RABGEF1: variants seen among roughly 807,000 people sequenced by gnomAD.
The protein encoded by RABGEF1 is RAB guanine nucleotide exchange factor 1.
A neutral mutation model predicts 57.3 loss-of-function variants in RABGEF1; 26 were observed. The ratio of observed to expected loss-of-function variants is 0.45; its 90% CI spans 0.33 to 0.63. RABGEF1 has a LOEUF of 0.63. Among genes scored for constraint, RABGEF1 ranks in the 20% least tolerant of loss-of-function variants. The probability of loss-of-function intolerance (pLI) is 0.02; values close to 1 mark genes in which losing one functional copy is unlikely to be tolerated. For synonymous variants in RABGEF1, 185 were observed against 210.7 expected (o/e 0.88, Z 1.06); for missense variants, 464 against 607.6 (o/e 0.76, Z 2.48).
At chr7:66,677,287 A>G (rs1789340813), upstream of RABGEF1, among the ~76,000 whole-genome samples, 1 of 152,204 alleles carries the variant, frequency 6.6e-6, no homozygotes, top group South Asian at 2.1e-4. Context: ...TACAGTTAAC[A>G]TCATACTCAA....
intron 1 of RABGEF1, among the ~76,000 whole-genome samples, chr7:66,698,421 G>A (rs1432931229): frequency 1.3e-5 from 2 of 152,180 alleles, no homozygotes; most frequent in Non-Finnish European, 2.9e-5. Context: ...AGAGGAGAGT[G>A]CAAGGTCCCC....
chr7:66,744,087 A>G (rs1459459802), intron 1 of RABGEF1, among the ~76,000 whole-genome samples: 1 of 145,834 alleles, frequency 6.9e-6, no homozygotes, highest in East Asian at 2.0e-4. Flanking sequence ...ACTGGGCTGG[A>G]GTGCAGTGGC....
chr7:66,697,980 A>G (rs951130633), intron 1 of RABGEF1, among the ~76,000 whole-genome samples: 2 of 151,972 alleles, frequency 1.3e-5, no homozygotes, highest in African/African-American at 4.8e-5. Context: ...CCCACTACCT[A>G]GGCTGGGCCA....
At chr7:66,658,295 G>T in the RABGEF1 span, among the ~76,000 whole-genome samples, 1 of 152,124 alleles carries the variant, frequency 6.6e-6, no homozygotes, top group Non-Finnish European at 1.5e-5. Context: ...CACTTTGGGA[G>T]GCCAAGGTAG....
chr7:66,676,945 A>G, the RABGEF1 span, among the ~76,000 whole-genome samples: 5 of 152,016 alleles, frequency 3.3e-5, no homozygotes, highest in African/African-American at 1.2e-4. Context: ...CAACTTGTCT[A>G]TTTTCTTTTA....
chr7:66,664,956 G>A, the RABGEF1 span, among the ~76,000 whole-genome samples: 3 of 152,220 alleles, frequency 2.0e-5, no homozygotes, highest in Admixed American at 6.5e-5. Flanking sequence ...TGGCCCCCAC[G>A]GCAGGTGGCT....
chr7:66,735,164 T>TC (rs1367816877), intron 2 of RABGEF1, among the ~76,000 whole-genome samples: 1 of 152,152 alleles, frequency 6.6e-6, no homozygotes, highest in East Asian at 1.9e-4. Flanking sequence ...GCTAATTTCC[T>TC]CCCCCCTCAA....
At chr7:66,753,480 G>T (rs2129065818) in intron 1 of RABGEF1, among the ~76,000 whole-genome samples, 1 of 152,246 alleles carries the variant, frequency 6.6e-6, no homozygotes, top group East Asian at 1.9e-4. Flanking sequence ...TTACGGGTTT[G>T]GTTCTGCACC....
intron 6 of RABGEF1, among the ~76,000 whole-genome samples, chr7:66,798,768 A>C (rs565387636): frequency 1.4e-4 from 21 of 152,314 alleles, no homozygotes; most frequent in Admixed American, 1.0e-3. Context: ...GTTTGAGACC[A>C]GCCTGGCCAG....
chr7:66,791,851 C>T (rs1188300533), intron 4 of RABGEF1, among the ~76,000 whole-genome samples: 7 of 152,170 alleles, frequency 4.6e-5, no homozygotes, highest in Non-Finnish European at 8.8e-5. Context: ...CGGTGGCTCA[C>T]GCCTGTAATC....
chr7:66,724,725 A>G (rs558584392), intron 2 of RABGEF1, among the ~76,000 whole-genome samples: 1 of 152,150 alleles, frequency 6.6e-6, no homozygotes, highest in Admixed American at 6.5e-5. Flanking sequence ...GGTTTTCATC[A>G]AATTTATAGT....
chr7:66,656,777 G>A, the RABGEF1 span, among the ~76,000 whole-genome samples: 3 of 136,772 alleles, frequency 2.2e-5, no homozygotes, highest in South Asian at 2.2e-4. Flanking sequence ...TCAAGATCAC[G>A]CCATTGCACT....
chr7:66,804,738 G>GAAAAA (rs35870963), intron 7 of RABGEF1, among the ~76,000 whole-genome samples: 3 of 105,570 alleles, frequency 2.8e-5, no homozygotes, highest in Admixed American at 1.0e-4. Context: ...AACTCAGTCT[G>GAAAAA]AAAAAAAAAA....
At position 66,811,234 on chromosome 7, in the gene RABGEF1, G is replaced by A. The variant is rs1174149911; in HGVS notation, c.*1950G>A. ...TCTCTTACATATAAAGTAGGTTATTGAGTTGATTTTTTTGGAGGTATCTCA... is the reference window on the plus strand; with the variant it reads ...TCTCTTACATATAAAGTAGGTTATTAAGTTGATTTTTTTGGAGGTATCTCA... On this transcript the variant is annotated 3_prime_UTR_variant, in exon 9 of 9. Transcript: ENST00000284957. The A allele has an allele frequency of 6.6e-6, 1 of 152,140 alleles. No individual in the cohort carries two copies. The highest frequency in any genetic ancestry group is 1.5e-5 in the Non-Finnish European group (1 of 68,030). The allele number at this position is 152,140 out of a possible 1,614,324, so 9.4% of individuals were successfully genotyped here.
chr7:66,737,476 C>A (rs1798135050), upstream of RABGEF1, among the ~76,000 whole-genome samples: 1 of 151,842 alleles, frequency 6.6e-6, no homozygotes, highest in East Asian at 1.9e-4. Context: ...ATGGAGAGTA[C>A]CTTTAGATCC....
chr7:66,698,814 C>T (rs929407496), intron 1 of RABGEF1, among the ~76,000 whole-genome samples: 1 of 152,226 alleles, frequency 6.6e-6, no homozygotes, highest in Non-Finnish European at 1.5e-5. Flanking sequence ...GAGTTTCACT[C>T]CTGACTCCAC....
chr7:66,730,501 G>A (rs1797184855), intron 2 of RABGEF1, among the ~76,000 whole-genome samples: 2 of 151,890 alleles, frequency 1.3e-5, no homozygotes, highest in African/African-American at 2.4e-5. Context: ...AAGTTAAGGG[G>A]TAGAGTCTAT....
At chr7:66,734,030 C>T (rs1797647314) in intron 2 of RABGEF1, among the ~76,000 whole-genome samples, 1 of 152,094 alleles carries the variant, frequency 6.6e-6, no homozygotes, top group South Asian at 2.1e-4. Flanking sequence ...AAAAAACCTC[C>T]TAGAGGCAGT....
At chr7:66,751,807 T>C (rs1316423144) in intron 1 of RABGEF1, among the ~76,000 whole-genome samples, 1 of 152,222 alleles carries the variant, frequency 6.6e-6, no homozygotes, top group Non-Finnish European at 1.5e-5. Flanking sequence ...AAGCCTTCCC[T>C]GTGTGGCTAT....
Sources: gnomAD v4.1 joint callset for allele counts (sites outside exome capture counted in the v4.1 genomes callset) on GRCh38, gnomAD v4.1.1 for gene constraint, MANE v1.5 for transcripts, NCBI Gene and HGNC (gene_info 2026-07-23, HGNC 2026-07-21) for gene names.